PCDHGA8: variants seen among roughly 807,000 people sequenced by gnomAD.
PCDHGA8 encodes the protein protocadherin gamma subfamily A, 8.
PCDHGA8 carries 45 observed loss-of-function variants against 59.2 expected under a neutral mutation model. That is an observed-to-expected ratio of 0.76 (90% CI 0.60 to 0.98). PCDHGA8 has a LOEUF of 0.98. PCDHGA8 is among the 50% of genes least tolerant of loss of function. The pLI, the probability that PCDHGA8 is intolerant of heterozygous loss-of-function variation, is 0.00. For synonymous variants in PCDHGA8, 531 were observed against 519.0 expected (o/e 1.02, Z -0.32); for missense variants, 1,257 against 1,196.2 (o/e 1.05, Z -0.75).
At chr5:141,433,128 C>T (rs773994964) in intron 1 of PCDHGA8, 3 of 1,614,158 alleles carry the variant, frequency 1.9e-6, no homozygotes, top group Non-Finnish European at 1.7e-6. Flanking sequence ...AAAAGCGAGC[C>T]CCTTTTGCTG....
At position 141,489,733 on chromosome 5, in the gene PCDHGA8, A is replaced by C; in HGVS notation, c.2425-5074A>C. ...TGCCCAGGATCCGGATGTGGGCACC[A>C]ATACTGTGAGCTTTTACACTCTAAG... On this transcript the variant is annotated intron_variant, in intron 1 of 3. Coordinates refer to ENST00000398604, the MANE Select transcript of PCDHGA8 (RefSeq NM_032088.2). This position sits in a 1 kb window ranked among gnomAD's most constrained non-coding sequence, Gnocchi z 4.5. 1 of 1,614,168 alleles carries C rather than the reference A, an allele frequency of 6.2e-7. No individual in the cohort carries two copies. The highest frequency in any genetic ancestry group is 1.1e-5 in the South Asian group (1 of 91,078).
intron 1 of PCDHGA8, chr5:141,405,253 C>T (rs78501291): frequency 0.034 from 55,338 of 1,614,052 alleles, 1,052 homozygotes; most frequent in Middle Eastern, 0.098. Flanking sequence ...GGAAGAGTCA[C>T]CTGATCTTCC....
At chr5:141,415,982 T>G in intron 1 of PCDHGA8, 1 of 342,492 alleles carries the variant, frequency 2.9e-6, no homozygotes, top group Non-Finnish European at 4.9e-6. Flanking sequence ...AGCAACCCTC[T>G]TGTTCTGAAG....
Position 141,487,418 on chromosome 5 carries a change from A to T in PCDHGA8, c.2425-7389A>T. ...GGAGGGGCTTCCCCCTTCCAATGGG[A>T]TCCTCCGAATCCAGCTAGGGTCAGA... On this transcript the variant is annotated intron_variant, in intron 1 of 3. Transcript: ENST00000398604. The surrounding 1 kb of genome is among the most constrained non-coding windows in gnomAD (Gnocchi z 5.0). The T allele has an allele frequency of 6.2e-7, 1 of 1,614,060 alleles. No homozygotes were observed. The highest frequency in any genetic ancestry group is 8.5e-7 in the Non-Finnish European group (1 of 1,179,998).
At chr5:141,400,638 T>A in intron 1 of PCDHGA8, 1 of 1,325,472 alleles carries the variant, frequency 7.5e-7, no homozygotes, top group Non-Finnish European at 1.1e-6. Flanking sequence ...TCAGAGCTGC[T>A]CAGAAAGCTG....
At chr5:141,421,213 G>C (rs916345810) in intron 1 of PCDHGA8, 3 of 1,548,472 alleles carry the variant, frequency 1.9e-6, no homozygotes, top group Admixed American at 4.1e-5. Context: ...GCGGAATATC[G>C]GCTTAGAGCC....
At chr5:141,421,717 G>T in intron 1 of PCDHGA8, 2 of 1,613,932 alleles carry the variant, frequency 1.2e-6, no homozygotes, top group East Asian at 4.5e-5. Context: ...TCCAGATGTG[G>T]GCGTGAACTC....
intron 1 of PCDHGA8, chr5:141,421,750 C>G: frequency 6.2e-7 from 1 of 1,613,906 alleles, no homozygotes; most frequent in East Asian, 2.2e-5. Flanking sequence ...CCAGCTCAGC[C>G]CTAATAATTA....
intron 1 of PCDHGA8, chr5:141,413,063 T>G: frequency 1.8e-6 from 2 of 1,142,610 alleles, no homozygotes; most frequent in East Asian, 5.1e-5. Context: ...CACTCCAGAA[T>G]TTAAAGTGCC....
intron 1 of PCDHGA8, chr5:141,410,680 G>A: frequency 6.5e-7 from 1 of 1,535,692 alleles, no homozygotes; most frequent in Non-Finnish European, 8.7e-7. Flanking sequence ...TCATATTTTA[G>A]GCATACTACT....
intron 1 of PCDHGA8, chr5:141,422,258 A>G (rs2096637047): frequency 6.4e-7 from 1 of 1,565,282 alleles, no homozygotes; most frequent in East Asian, 2.2e-5. Flanking sequence ...GTGAATGATA[A>G]CGCTCCAGAA....
intron 1 of PCDHGA8, chr5:141,410,596 T>C: frequency 1.2e-6 from 2 of 1,608,810 alleles, no homozygotes; most frequent in Non-Finnish European, 1.7e-6. Flanking sequence ...AGGATTTGAC[T>C]TCACATCCTG....
At chr5:141,500,866 A>C (rs576713520) in intron 2 of PCDHGA8, among the ~76,000 whole-genome samples, 1 of 146,112 alleles carries the variant, frequency 6.8e-6, no homozygotes, top group Non-Finnish European at 1.5e-5. Context: ...AAACATACAC[A>C]TTCATTTACA....
chr5:141,487,455 A>G lies in PCDHGA8; in HGVS notation c.2425-7352A>G, dbSNP rs751456631. 6.2e-7 allele frequency: 1 copy of G among 1,614,122 alleles called. No individual in the cohort carries two copies. The highest frequency in any genetic ancestry group is 8.5e-7 in the Non-Finnish European group (1 of 1,180,032). On this transcript the variant is annotated intron_variant, in intron 1 of 3. Coordinates refer to ENST00000398604, the MANE Select transcript of PCDHGA8 (RefSeq NM_032088.2). The surrounding 1 kb of genome is among the most constrained non-coding windows in gnomAD (Gnocchi z 5.0). ...CAGCTAGGGTCAGATGACCCTATCA[A>G]GTTTGTTGATGTGGGAGGCCACTCT...
intron 1 of PCDHGA8, chr5:141,408,333 G>T (rs746692686): frequency 3.7e-6 from 6 of 1,613,924 alleles, no homozygotes; most frequent in Admixed American, 3.3e-5. Flanking sequence ...CTGGCCAAGG[G>T]CTCGGTGGTG....
In PCDHGA8 at chr5:141,431,149, G is replaced by A. The variant is rs150692324; in HGVS notation, c.2424+35912G>A. Reference sequence around the variant, plus strand: ...AAGTAAGGGACATTAACGACAATGCGCCTTACTTTCGTGAAAGTGAATTAG... The same window carrying A: ...AAGTAAGGGACATTAACGACAATGCACCTTACTTTCGTGAAAGTGAATTAG... On this transcript the variant is annotated intron_variant, in intron 1 of 3. Coordinates refer to ENST00000398604, the MANE Select transcript of PCDHGA8 (RefSeq NM_032088.2). This position sits in a 1 kb window ranked among gnomAD's most constrained non-coding sequence, Gnocchi z 4.8. The A allele has an allele frequency of 3.7e-4, 605 of 1,614,210 alleles. No individual in the cohort carries two copies. Among genetic ancestry groups the A allele is most frequent in the Non-Finnish European group, 4.7e-4 (552 of 1,180,020 alleles).
At position 141,399,013 on chromosome 5, in the gene PCDHGA8, G is replaced by A. The variant is rs145783835; in HGVS notation, c.2424+3776G>A. 9.5e-3 allele frequency: 15,345 copies of A among 1,613,900 alleles called. 158 individuals are homozygous for A. Among genetic ancestry groups the A allele is most frequent in the South Asian group, 0.02 (1,850 of 91,076 alleles). On this transcript the variant is annotated intron_variant, in intron 1 of 3. Coordinates refer to ENST00000398604, the MANE Select transcript of PCDHGA8 (RefSeq NM_032088.2). ...CTTTAGTCTGAATTCAAAGAGCGGA[G>A]AAATTACCACTCAAAAGAAACTGGA...
Position 141,485,597 on chromosome 5 carries a change from A to G in PCDHGA8, c.2425-9210A>G. On this transcript the variant is annotated intron_variant, in intron 1 of 3. Coordinates refer to ENST00000398604, the MANE Select transcript of PCDHGA8 (RefSeq NM_032088.2). This position sits in a 1 kb window ranked among gnomAD's most constrained non-coding sequence, Gnocchi z 5.7. ...TCCGCGGCAGCAGCTGGACTTGGAA[A>G]TTGGGGAGGCAGCTCCTCCAGGACA... The G allele has an allele frequency of 6.2e-7, 1 of 1,612,468 alleles. No homozygotes were observed. The highest frequency in any genetic ancestry group is 8.5e-7 in the Non-Finnish European group (1 of 1,178,718).
chr5:141,506,435 G>T (rs1470687416), intron 3 of PCDHGA8, among the ~76,000 whole-genome samples: 1 of 126,234 alleles, frequency 7.9e-6, no homozygotes, highest in Non-Finnish European at 1.6e-5. Context: ...CAACAGTCTC[G>T]CTCTGTCTCA....
Sources: gnomAD v4.1 joint callset for allele counts (sites outside exome capture counted in the v4.1 genomes callset) on GRCh38, gnomAD v4.1.1 for gene constraint, Gnocchi (gnomAD v3.1) non-coding constraint, MANE v1.5 for transcripts, NCBI Gene and HGNC (gene_info 2026-07-23, HGNC 2026-07-21) for gene names.